Variants in SYNPO2 observed in about 807,000 individuals in gnomAD.
SYNPO2 encodes the protein synaptopodin-2.
A neutral mutation model predicts 85.0 loss-of-function variants in SYNPO2; 56 were observed. The ratio of observed to expected loss-of-function variants is 0.66; its 90% CI spans 0.53 to 0.82. SYNPO2 has a LOEUF of 0.82. SYNPO2 is among the 40% of genes least tolerant of loss of function. The pLI, the probability that SYNPO2 is intolerant of heterozygous loss-of-function variation, is 0.00. For missense variants in SYNPO2, 1,575 were observed against 1,534.2 expected, an observed-to-expected ratio of 1.03 and a Z score of -0.44; for synonymous variants, 602 against 591.1, an observed-to-expected ratio of 1.02 and a Z score of -0.27.
At chr4:118,902,513 T>G (rs1732792247) in intron 1 of SYNPO2, among the ~76,000 whole-genome samples, 1 of 152,022 alleles carries the variant, frequency 6.6e-6, no homozygotes, top group African/African-American at 2.4e-5. Context: ...ACCAGGAGAA[T>G]AGTATGAGGG....
intron 1 of SYNPO2, among the ~76,000 whole-genome samples, chr4:118,956,211 G>A (rs1734869855): frequency 6.6e-6 from 1 of 152,118 alleles, no homozygotes; most frequent in African/African-American, 2.4e-5. Context: ...AAGAGAAACT[G>A]GGGGGCTAAC....
chr4:118,927,742 A>G lies in SYNPO2; in HGVS notation c.105+38601A>G, dbSNP rs894613664. Among the ~76,000 whole-genome samples the G allele has an allele frequency of 2.5e-3, 288 of 113,448 alleles. 2 individuals carry two copies. Among genetic ancestry groups the G allele is most frequent in the African/African-American group, 7.8e-3 (223 of 28,608 alleles). 74.4% of individuals were successfully genotyped at this position (113,448 alleles called of 152,430 possible). A position where few individuals can be genotyped will look rare whatever the true frequency, so the allele number is the denominator to read the frequency against. ...TAGATAGATAGATAGATAGATAGAT[A>G]GATAGATGATAGATAGATATATAGA... On this transcript the variant is annotated intron_variant, in intron 1 of 4. Transcript: ENST00000307142.
At chr4:118,925,045 T>C (rs1733666898) in intron 1 of SYNPO2, among the ~76,000 whole-genome samples, 1 of 152,178 alleles carries the variant, frequency 6.6e-6, no homozygotes, top group Admixed American at 6.5e-5. Context: ...TTTCCTTGCA[T>C]GGGATGTGCA....
rs553603562 is a variant in SYNPO2 at position 118,966,237 on chromosome 4, G to A, written c.106-57193G>A. On this transcript the variant is annotated intron_variant, in intron 1 of 4. Transcript: ENST00000307142. ...TAGAAAGAAACGGGAAATAGAAAAA[G>A]TGGTTTATTTGAGAAGGCATTCATC... Among the ~76,000 whole-genome samples, 5 of 152,306 alleles carry A rather than the reference G, an allele frequency of 3.3e-5. No homozygotes were observed. In the South Asian group the frequency reaches 8.3e-4, roughly 25 times the overall value.
At chr4:118,983,366 G>C (rs750777919) in intron 1 of SYNPO2, among the ~76,000 whole-genome samples, 2 of 151,808 alleles carry the variant, frequency 1.3e-5, no homozygotes, top group Admixed American at 6.6e-5. Context: ...GTCTACACCA[G>C]ACACCCCCAT....
rs1731523615 is a variant in SYNPO2, at chr4:118,857,313, C to A, written c.12+6373C>A. The stretch of plus-strand genomic sequence containing the variant: ...TTTTGGGAAATTATTAGTAGTAGGG[C>A]ATATCCAGCCACGTACAGCAACACC... On this transcript the variant is annotated intron_variant, in intron 1 of 4. Transcript: ENST00000610556. 2.0e-5 allele frequency among the ~76,000 whole-genome samples: 3 copies of A among 152,080 alleles called. No homozygotes were observed. In the South Asian group the frequency reaches 6.2e-4, roughly 32 times the overall value.
At chr4:118,917,854 C>T (rs1373538278) in intron 1 of SYNPO2, among the ~76,000 whole-genome samples, 4 of 152,106 alleles carry the variant, frequency 2.6e-5, no homozygotes, top group Non-Finnish European at 4.4e-5. Flanking sequence ...GATAGAAATA[C>T]TTTGGTATAA....
chr4:119,011,371 A>G (rs908371231), intron 1 of SYNPO2, among the ~76,000 whole-genome samples: 2 of 152,130 alleles, frequency 1.3e-5, no homozygotes, highest in Non-Finnish European at 1.5e-5. Context: ...TTGCCTTATG[A>G]CCTTACCTCT....
chr4:118,861,165 C>T (rs1578503785), intron 1 of SYNPO2, among the ~76,000 whole-genome samples: 1 of 151,856 alleles, frequency 6.6e-6, no homozygotes, highest in South Asian at 2.1e-4. Flanking sequence ...ATAGTCTGAG[C>T]TCTTAGTTTT....
At chr4:118,895,746 T>C (rs778021576) in intron 1 of SYNPO2, among the ~76,000 whole-genome samples, 1 of 152,216 alleles carries the variant, frequency 6.6e-6, no homozygotes. Flanking sequence ...AATGGGGACA[T>C]CAGTATGCAG....
chr4:118,957,619 AG>A (rs1341491372), intron 1 of SYNPO2, among the ~76,000 whole-genome samples: 11 of 152,236 alleles, frequency 7.2e-5, no homozygotes, highest in African/African-American at 2.7e-4. Flanking sequence ...AGGAGTTGAA[AG>A]AATGTTGATT....
intron 1 of SYNPO2, among the ~76,000 whole-genome samples, chr4:118,944,701 C>T (rs1216426737): frequency 1.3e-5 from 2 of 152,268 alleles, no homozygotes; most frequent in East Asian, 1.9e-4. Flanking sequence ...TGTTTCAGTT[C>T]TCTTAGGAGA....
chr4:119,051,186 A>ATTTTTTTT lies in SYNPO2; in HGVS notation c.3253-6201_3253-6194dup, dbSNP rs369864760. 2.5e-4 allele frequency among the ~76,000 whole-genome samples: 25 copies of ATTTTTTTT among 100,670 alleles called. 1 individual carries two copies. The highest frequency in any genetic ancestry group is 3.6e-4 in the South Asian group (1 of 2,770). The allele number at this position is 100,670 out of a possible 152,430, so 66.0% of individuals were successfully genotyped here. A position where few individuals can be genotyped will look rare whatever the true frequency, so the allele number is the denominator to read the frequency against. On this transcript the variant is annotated intron_variant, in intron 4 of 4. Coordinates refer to ENST00000307142, the MANE Select transcript of SYNPO2 (RefSeq NM_133477.3). ...CACTGGGGTAAAGCCATGGGAAGCA[A>ATTTTTTTT]TTTTTTTTTTTTTTTTTTTTTGAGA...
At chr4:118,969,697 T>C (rs1735463138) in intron 1 of SYNPO2, among the ~76,000 whole-genome samples, 1 of 152,144 alleles carries the variant, frequency 6.6e-6, no homozygotes, top group South Asian at 2.1e-4. Context: ...TGGGGTTTTA[T>C]TAAGTTCTGG....
intron 1 of SYNPO2, among the ~76,000 whole-genome samples, chr4:118,966,606 T>C (rs1441460378): frequency 6.6e-6 from 1 of 152,168 alleles, no homozygotes; most frequent in Non-Finnish European, 1.5e-5. Context: ...ATATGAAGCA[T>C]TTATAAAAAT....
intron 1 of SYNPO2, among the ~76,000 whole-genome samples, chr4:118,903,504 CA>C (rs1732825677): frequency 6.6e-6 from 1 of 152,104 alleles, no homozygotes; most frequent in Non-Finnish European, 1.5e-5. Context: ...ATTAAGAGCA[CA>C]AAAGCCAGAT....
intron 1 of SYNPO2, among the ~76,000 whole-genome samples, chr4:119,007,758 GT>G (rs1367131860): frequency 1.3e-5 from 2 of 151,902 alleles, no homozygotes; most frequent in Non-Finnish European, 2.9e-5. Context: ...GGATTTTAAT[GT>G]TTTTTTAACC....
chr4:118,973,896 A>G (rs1735630932), intron 1 of SYNPO2, among the ~76,000 whole-genome samples: 1 of 152,158 alleles, frequency 6.6e-6, no homozygotes, highest in South Asian at 2.1e-4. Flanking sequence ...ATCTAACATC[A>G]CTCAGAACAT....
chr4:119,033,262 T>C (rs1413283352), intron 4 of SYNPO2: 3 of 985,256 alleles, frequency 3.0e-6, no homozygotes, highest in Non-Finnish European at 3.6e-6. Context: ...TTGTGTTTGC[T>C]TTGCTTTTTG....
Sources: allele counts gnomAD v4.1 joint callset (sites outside exome capture counted in the v4.1 genomes callset), GRCh38; gene constraint gnomAD v4.1.1; transcripts MANE v1.5; gene names NCBI Gene and HGNC (gene_info 2026-07-23, HGNC 2026-07-21).